Variants in RYR3 observed in about 807,000 individuals in gnomAD.
The protein encoded by RYR3 is brain ryanodine receptor-calcium release channel.
A neutral mutation model predicts 584.3 loss-of-function variants in RYR3; 207 were observed. The observed-to-expected ratio is 0.35, with a 90% CI of 0.32 to 0.40. The LOEUF is 0.40. RYR3 is among the 10% of genes least tolerant of loss of function. The probability of loss-of-function intolerance (pLI) is 1.00; values close to 1 mark genes in which losing one functional copy is unlikely to be tolerated. For missense variants in RYR3, 5,616 were observed against 6,089.2 expected (o/e 0.92, Z 2.59); for synonymous variants, 2,416 against 2,248.5 (o/e 1.07, Z -2.11).
chr15:33,845,065 G>A lies in RYR3; in HGVS notation c.13497+3G>A, dbSNP rs1285245886. The A allele has an allele frequency of 1.2e-6, 2 of 1,613,554 alleles. No homozygotes were observed. On this transcript the variant is annotated splice_donor_region_variant and intron_variant, in intron 93 of 103. Coordinates refer to ENST00000634891, the MANE Select transcript of RYR3 (RefSeq NM_001036.6). ...TGGTGGGCTACTACTGCCTGAAGGTGAGCTGTTTGCCACTCTGGATCTAAT... is the reference window on the plus strand; with the variant it reads ...TGGTGGGCTACTACTGCCTGAAGGTAAGCTGTTTGCCACTCTGGATCTAAT...
At chr15:33,623,614 C>G (rs980711809) in intron 19 of RYR3, among the ~76,000 whole-genome samples, 193 bp from the exon 20 acceptor site, 3 of 152,132 alleles carry the variant, frequency 2.0e-5, no homozygotes, top group Non-Finnish European at 2.9e-5. Context: ...TGAGGATCAG[C>G]CTTGATGCTC....
chr15:33,379,074 T>G (rs1243336705), intron 1 of RYR3, among the ~76,000 whole-genome samples: 1 of 152,206 alleles, frequency 6.6e-6, no homozygotes, highest in African/African-American at 2.4e-5. Flanking sequence ...GATAAACTAC[T>G]TCCCCCTCTG....
At chr15:33,634,045 T>A (rs1358079230) in intron 24 of RYR3, among the ~76,000 whole-genome samples, 2 of 152,040 alleles carry the variant, frequency 1.3e-5, no homozygotes, top group Non-Finnish European at 2.9e-5. Context: ...TTAAAGTGTT[T>A]TTTGTTTTGT....
intron 38 of RYR3, among the ~76,000 whole-genome samples, chr15:33,676,257 G>A (rs1161064510): frequency 7.3e-6 from 1 of 136,326 alleles, no homozygotes; most frequent in African/African-American, 2.9e-5. Context: ...AAAAAAAAAG[G>A]CAAGGAAATG....
At chr15:33,722,290 G>A (rs2067991909) in intron 43 of RYR3, among the ~76,000 whole-genome samples, 1 of 152,110 alleles carries the variant, frequency 6.6e-6, no homozygotes, top group Non-Finnish European at 1.5e-5. Context: ...GTATTCCATG[G>A]TAGACTCAGT....
At chr15:33,764,867 C>T (rs892641234) in intron 60 of RYR3, among the ~76,000 whole-genome samples, 1 of 151,852 alleles carries the variant, frequency 6.6e-6, no homozygotes, top group African/African-American at 2.4e-5. Context: ...CCCATCTCTA[C>T]TAAAAATGCA....
chr15:33,828,023 G>A (rs35075779), intron 85 of RYR3, among the ~76,000 whole-genome samples: 7,819 of 152,154 alleles, frequency 0.051, 255 homozygotes, highest in Non-Finnish European at 0.06. Flanking sequence ...TATCTGTGCC[G>A]TTTTACCAAC....
At chr15:33,591,653 T>C (rs1304516110) in intron 16 of RYR3, among the ~76,000 whole-genome samples, 1 of 152,204 alleles carries the variant, frequency 6.6e-6, no homozygotes, top group African/African-American at 2.4e-5. Flanking sequence ...TACTTGCCCC[T>C]GAAGCTGCCT....
At chr15:33,612,025 A>G (rs2060220148) in intron 18 of RYR3, among the ~76,000 whole-genome samples, 1 of 152,224 alleles carries the variant, frequency 6.6e-6, no homozygotes, top group African/African-American at 2.4e-5. Flanking sequence ...ATCAAGAAAC[A>G]AGATATCTTT....
chr15:33,811,199 T>G (rs2076520030), intron 72 of RYR3, among the ~76,000 whole-genome samples, 162 bp downstream of exon 72: 1 of 152,166 alleles, frequency 6.6e-6, no homozygotes, highest in Admixed American at 6.5e-5. Flanking sequence ...TTTTTAAATT[T>G]TTTTTTAAAA....
At chr15:33,517,883 C>T (rs2140936155) in intron 3 of RYR3, among the ~76,000 whole-genome samples, 1 of 152,228 alleles carries the variant, frequency 6.6e-6, no homozygotes, top group South Asian at 2.1e-4. Flanking sequence ...ACCTTGATGA[C>T]AGCATGATTT....
At position 33,533,401 on chromosome 15, in the gene RYR3, T is replaced by C. The variant is rs143495944; in HGVS notation, c.433+12T>C. On this transcript the variant is annotated intron_variant, in intron 5 of 103. Transcript: ENST00000634891. ...GGAACATGCCACAGGTGAGTCAGCA[T>C]TCCCAGATCTCTTGAGCTCAGCGGG... 1.7e-3 allele frequency: 2,622 copies of C among 1,586,416 alleles called. 14 individuals carry two copies. Among genetic ancestry groups the C allele is most frequent in the Middle Eastern group, 0.011 (68 of 6,030 alleles).
At chr15:33,556,996 G>A (rs8039203) in intron 10 of RYR3, among the ~76,000 whole-genome samples, 4,657 of 152,186 alleles carry the variant, frequency 0.031, 223 homozygotes, top group African/African-American at 0.1. Flanking sequence ...TTTTCTTCAT[G>A]TTAACCTTTA....
chr15:33,526,089 G>A (rs1375323204), intron 3 of RYR3, among the ~76,000 whole-genome samples: 3 of 152,186 alleles, frequency 2.0e-5, no homozygotes, highest in Non-Finnish European at 4.4e-5. Context: ...AGATGTTAAA[G>A]GAAGTTAGTT....
chr15:33,731,829 A>T (rs769393124), intron 48 of RYR3, 135 bp downstream of exon 48: 1 of 668,700 alleles, frequency 1.5e-6, no homozygotes, highest in Non-Finnish European at 2.7e-6. Context: ...TCCCCCAGAC[A>T]TCTCATAGGA....
intron 1 of RYR3, among the ~76,000 whole-genome samples, chr15:33,413,884 T>C (rs1327309403): frequency 2.0e-5 from 3 of 152,248 alleles, no homozygotes; most frequent in Non-Finnish European, 4.4e-5. Context: ...ATTGTCATAT[T>C]TATATTTGAA....
intron 38 of RYR3, among the ~76,000 whole-genome samples, chr15:33,681,641 C>G (rs1434051430): frequency 6.6e-6 from 1 of 152,214 alleles, no homozygotes; most frequent in Non-Finnish European, 1.5e-5. Context: ...CAGCATGCCA[C>G]AAGCTGACTT....
chr15:33,532,078 G>A (rs1180899835), intron 4 of RYR3, among the ~76,000 whole-genome samples: 1 of 152,084 alleles, frequency 6.6e-6, no homozygotes, highest in Non-Finnish European at 1.5e-5. Context: ...ACAGCTCTGG[G>A]AATAAAGCCT....
intron 10 of RYR3, among the ~76,000 whole-genome samples, chr15:33,552,990 C>T (rs1354082995): frequency 1.3e-5 from 2 of 152,130 alleles, no homozygotes; most frequent in African/African-American, 2.4e-5. Flanking sequence ...TGAATCATCT[C>T]GCCAGCCCTT....
Sources: allele counts gnomAD v4.1 joint callset (sites outside exome capture counted in the v4.1 genomes callset), GRCh38; gene constraint gnomAD v4.1.1; transcripts MANE v1.5; gene names NCBI Gene and HGNC (gene_info 2026-07-23, HGNC 2026-07-21).